FSTL5: variants seen among roughly 807,000 people sequenced by gnomAD.
FSTL5 encodes the protein follistatin like 5.
FSTL5 carries 62 observed loss-of-function variants against 89.1 expected under a neutral mutation model. The ratio of observed to expected loss-of-function variants is 0.70; its 90% CI spans 0.57 to 0.86. The LOEUF (loss-of-function observed/expected upper bound fraction) is 0.86, where lower values mean the gene tolerates loss of function less well. Ranked by LOEUF, FSTL5 falls within the 40% of genes least tolerant of loss-of-function variation. The pLI is 0.00. For synonymous variants in FSTL5, 383 were observed against 346.2 expected, an observed-to-expected ratio of 1.11 and a Z score of -1.18; for missense variants, 1,057 against 1,001.6, an observed-to-expected ratio of 1.06 and a Z score of -0.75.
intron 2 of FSTL5, among the ~76,000 whole-genome samples, chr4:162,082,599 T>C (rs933284048): frequency 5.9e-5 from 9 of 151,494 alleles, no homozygotes; most frequent in African/African-American, 1.5e-4. Flanking sequence ...CTATGTTTTC[T>C]AGTTTCTCAC....
At chr4:162,155,245 T>C (rs990953058) in intron 1 of FSTL5, among the ~76,000 whole-genome samples, 4 of 152,198 alleles carry the variant, frequency 2.6e-5, no homozygotes, top group Admixed American at 6.5e-5. Flanking sequence ...ACTGGATAAG[T>C]GAGCCTTTAA....
At chr4:162,015,080 T>C (rs144491200) in intron 3 of FSTL5, among the ~76,000 whole-genome samples, 153 of 152,210 alleles carry the variant, frequency 1.0e-3, no homozygotes, top group African/African-American at 3.3e-3. Context: ...CTTCTTAGAG[T>C]GATTTTACAA....
chr4:161,567,431 A>C (rs1314703312), intron 8 of FSTL5, among the ~76,000 whole-genome samples: 1 of 151,674 alleles, frequency 6.6e-6, no homozygotes, highest in Non-Finnish European at 1.5e-5. Flanking sequence ...CCTTCTTTCC[A>C]CTCTCTTGTT....
intron 3 of FSTL5, among the ~76,000 whole-genome samples, chr4:161,942,679 AG>A (rs908011747): frequency 7.2e-5 from 11 of 152,178 alleles, no homozygotes; most frequent in Admixed American, 3.9e-4. Flanking sequence ...CACAAATTCC[AG>A]GGGGGAAAAA....
intron 7 of FSTL5, among the ~76,000 whole-genome samples, chr4:161,608,638 A>G (rs1578963149): frequency 1.3e-5 from 2 of 150,420 alleles, no homozygotes; most frequent in South Asian, 4.1e-4. Flanking sequence ...AAAAAATAAT[A>G]TAATAGGTTT....
chr4:161,974,637 A>G (rs2111024924), intron 3 of FSTL5, among the ~76,000 whole-genome samples: 1 of 123,744 alleles, frequency 8.1e-6, no homozygotes, highest in African/African-American at 3.2e-5. Flanking sequence ...TAGACCTAAA[A>G]CCATAAAAAC....
intron 4 of FSTL5, among the ~76,000 whole-genome samples, chr4:161,776,638 T>C (rs1217405897): frequency 1.3e-5 from 2 of 151,762 alleles, no homozygotes; most frequent in East Asian, 1.9e-4. Flanking sequence ...TGGATTTGCA[T>C]TGATGACATT....
intron 7 of FSTL5, among the ~76,000 whole-genome samples, chr4:161,601,618 T>C (rs1056669268): frequency 6.6e-6 from 1 of 152,004 alleles, no homozygotes; most frequent in Non-Finnish European, 1.5e-5. Flanking sequence ...AAACTACCCT[T>C]GGTAGAGGGA....
At chr4:161,586,940 TGC>T (rs1466493014) in intron 8 of FSTL5, among the ~76,000 whole-genome samples, 1 of 152,220 alleles carries the variant, frequency 6.6e-6, no homozygotes, top group East Asian at 1.9e-4. Flanking sequence ...CCTGTATTAA[TGC>T]TAGTAAATAA....
chr4:161,836,763 TA>T (rs1731057184), intron 4 of FSTL5, among the ~76,000 whole-genome samples: 1 of 152,038 alleles, frequency 6.6e-6, no homozygotes, highest in African/African-American at 2.4e-5. Flanking sequence ...ATTTTTTAAA[TA>T]TTAAAAATAG....
At chr4:162,072,849 T>C (rs990423654) in intron 2 of FSTL5, among the ~76,000 whole-genome samples, 22 of 151,748 alleles carry the variant, frequency 1.4e-4, no homozygotes, top group Non-Finnish European at 2.7e-4. Context: ...CTCTCCCTAA[T>C]TGGGGTGGAC....
chr4:162,040,960 C>A (rs1434269307), intron 2 of FSTL5, among the ~76,000 whole-genome samples: 1 of 151,808 alleles, frequency 6.6e-6, no homozygotes, highest in African/African-American at 2.4e-5. Flanking sequence ...ATGTCTTAGC[C>A]CCTGCAAGAG....
At chr4:161,814,333 G>T (rs1560861155) in intron 4 of FSTL5, among the ~76,000 whole-genome samples, 2 of 152,088 alleles carry the variant, frequency 1.3e-5, no homozygotes, top group African/African-American at 4.8e-5. Flanking sequence ...TTACAGCCAA[G>T]ATTATTCTCC....
chr4:161,718,516 CCTCCCAGGTTCAAGCAATT>C (rs1282804906), intron 6 of FSTL5, among the ~76,000 whole-genome samples: 1 of 152,062 alleles, frequency 6.6e-6, no homozygotes, highest in African/African-American at 2.4e-5. Flanking sequence ...GCAACCTCCG[CCTCCCAGGTTCAAGCAATT>C]CTCCTGCCTC....
At chr4:162,123,178 T>C (rs1435975631) in intron 1 of FSTL5, among the ~76,000 whole-genome samples, 3 of 152,084 alleles carry the variant, frequency 2.0e-5, no homozygotes, top group African/African-American at 4.8e-5. Flanking sequence ...ACATTTATTG[T>C]ACAAGAAAAA....
chr4:161,868,456 C>T (rs1205499085), intron 4 of FSTL5, among the ~76,000 whole-genome samples: 7 of 152,230 alleles, frequency 4.6e-5, no homozygotes, highest in South Asian at 4.2e-4. Flanking sequence ...AGTTTAGGTG[C>T]GTGTCTTTCA....
At chr4:161,615,114 G>A (rs1236164625) in intron 7 of FSTL5, among the ~76,000 whole-genome samples, 1 of 151,828 alleles carries the variant, frequency 6.6e-6, no homozygotes. Context: ...CTAACACGGT[G>A]AAACCCCGTC....
chr4:161,609,314 C>A lies in FSTL5; in HGVS notation c.895-21739G>T, dbSNP rs144352641. Among the ~76,000 whole-genome samples, 380 of 152,122 alleles carry A rather than the reference C, an allele frequency of 2.5e-3. 3 individuals are homozygous for A. The highest frequency in any genetic ancestry group is 9.0e-3 in the African/African-American group (372 of 41,532). ...ATGCTGAAAACAAGCCTATTTTTAT[C>A]TTTGACTAGATTTATTACTAAGCGA... On this transcript the variant is annotated intron_variant, in intron 7 of 15. Coordinates refer to ENST00000306100, the MANE Select transcript of FSTL5 (RefSeq NM_020116.5).
At chr4:161,858,032 CTA>C (rs1731775129) in intron 4 of FSTL5, among the ~76,000 whole-genome samples, 1 of 152,128 alleles carries the variant, frequency 6.6e-6, no homozygotes, top group Non-Finnish European at 1.5e-5. Context: ...TGTTGAAAGC[CTA>C]ACCATAAAGG....
Sources: allele counts gnomAD v4.1 joint callset (sites outside exome capture counted in the v4.1 genomes callset), GRCh38; gene constraint gnomAD v4.1.1; transcripts MANE v1.5; gene names NCBI Gene and HGNC (gene_info 2026-07-23, HGNC 2026-07-21).